NIPBL: variants seen among roughly 807,000 people sequenced by gnomAD.
NIPBL encodes the protein NIPBL cohesin loading factor.
In NIPBL, 19 loss-of-function variants were observed where a neutral mutation model predicts 321.8. The observed-to-expected ratio is 0.06, with a 90% CI of 0.04 to 0.09. The LOEUF is 0.09. Ranked by LOEUF, NIPBL falls within the 10% of genes least tolerant of loss-of-function variation. NIPBL has a pLI of 1.00. For missense variants in NIPBL, 2,210 were observed against 3,327.0 expected (o/e 0.66, Z 8.26); for synonymous variants, 1,106 against 1,114.1 (o/e 0.99, Z 0.14).
rs866490064 is a variant in NIPBL, at chr5:37,036,391, G to T, written c.5875G>T (p.Glu1959Ter). Residue 1959 changes from glutamate to a stop codon, truncating the protein, a stop_gained, in exon 33 of 47, where the codon GAA becomes TAA. Coordinates refer to ENST00000282516, the MANE Select transcript of NIPBL (RefSeq NM_133433.4). LOFTEE classifies it high-confidence loss of function. Reference sequence around the variant, plus strand: ...TATGTATATATAGTTGTTGAAGTCCGAAGAGGATTCCTCATATAAACCTGT... The same window carrying T: ...TATGTATATATAGTTGTTGAAGTCCTAAGAGGATTCCTCATATAAACCTGT... ...EQLLQNLLKS[E>*]EDSSYKPVKK... 1 of 1,310,590 alleles carries T rather than the reference G, an allele frequency of 7.6e-7. No homozygotes were observed. Among genetic ancestry groups the T allele is most frequent in the East Asian group, 2.9e-5 (1 of 34,004 alleles). The allele number at this position is 1,310,590 out of a possible 1,614,324, so 81.2% of individuals were successfully genotyped here.
chr5:36,920,768 T>C (rs1439731617), intron 1 of NIPBL, among the ~76,000 whole-genome samples: 1 of 152,118 alleles, frequency 6.6e-6, no homozygotes. Flanking sequence ...TTATATACTT[T>C]ATGTGGCATC....
intron 10 of NIPBL, among the ~76,000 whole-genome samples, chr5:36,987,043 A>C (rs775014109): frequency 6.6e-6 from 1 of 152,096 alleles, no homozygotes; most frequent in Non-Finnish European, 1.5e-5. Flanking sequence ...TATTTAAAAT[A>C]ACTTTTTTTA....
At chr5:37,014,913 G>A (rs1748756740) in intron 22 of NIPBL, 148 bp downstream of exon 22, 2 of 632,028 alleles carry the variant, frequency 3.2e-6, no homozygotes, top group Non-Finnish European at 5.6e-6. Flanking sequence ...TTAAAATGAG[G>A]CAATTGGAGT....
intron 33 of NIPBL, among the ~76,000 whole-genome samples, chr5:37,038,182 G>GT (rs1308730156): frequency 2.6e-5 from 4 of 151,920 alleles, no homozygotes; most frequent in African/African-American, 9.7e-5. Context: ...TAGAGATGCA[G>GT]TTTTTGCGTG....
intron 14 of NIPBL, among the ~76,000 whole-genome samples, chr5:37,001,330 G>A (rs987096576): frequency 6.6e-6 from 1 of 152,122 alleles, no homozygotes; most frequent in Non-Finnish European, 1.5e-5. Flanking sequence ...GGATACAGAG[G>A]CATACTCTGT....
At chr5:36,951,746 A>G (rs1740316719) in intron 1 of NIPBL, among the ~76,000 whole-genome samples, 1 of 152,160 alleles carries the variant, frequency 6.6e-6, no homozygotes, top group African/African-American at 2.4e-5. Context: ...AATAGCTAGT[A>G]GTGATTATAG....
chr5:37,062,609 A>G (rs1489088760), intron 45 of NIPBL, among the ~76,000 whole-genome samples: 1 of 152,104 alleles, frequency 6.6e-6, no homozygotes, highest in Non-Finnish European at 1.5e-5. Flanking sequence ...ATGCCAATGA[A>G]TTATACATTT....
intron 33 of NIPBL, among the ~76,000 whole-genome samples, chr5:37,038,249 CA>C (rs1484827558): frequency 6.6e-6 from 1 of 152,126 alleles, no homozygotes; most frequent in Non-Finnish European, 1.5e-5. Context: ...GATGGCCTCC[CA>C]AAGTGCTGGG....
At chr5:36,885,937 C>A in intron 1 of NIPBL, 1 of 736,294 alleles carries the variant, frequency 1.4e-6, no homozygotes, top group Non-Finnish European at 2.5e-6. Flanking sequence ...CTCAGGACCT[C>A]GCCAAGATCA....
At chr5:36,919,918 T>C (rs1044133937) in intron 1 of NIPBL, among the ~76,000 whole-genome samples, 1 of 152,160 alleles carries the variant, frequency 6.6e-6, no homozygotes, top group African/African-American at 2.4e-5. Context: ...TTAAAATATC[T>C]TTTAAACTTG....
At chr5:37,052,630 T>C in intron 42 of NIPBL, 64 bp downstream of exon 42, 1 of 1,265,588 alleles carries the variant, frequency 7.9e-7, no homozygotes, top group South Asian at 1.2e-5. Flanking sequence ...GATAAAGTAG[T>C]CATTTTTTAA....
intron 1 of NIPBL, among the ~76,000 whole-genome samples, chr5:36,922,550 C>T (rs1358543733): frequency 6.6e-6 from 1 of 152,052 alleles, no homozygotes; most frequent in African/African-American, 2.4e-5. Flanking sequence ...GTCCAGCATA[C>T]TGGATACTTA....
intron 8 of NIPBL, among the ~76,000 whole-genome samples, chr5:36,973,778 G>T (rs1743151795): frequency 6.6e-6 from 1 of 152,018 alleles, no homozygotes. Flanking sequence ...TTGTCGTCTA[G>T]GTTTTAAGCC....
intron 33 of NIPBL, among the ~76,000 whole-genome samples, chr5:37,038,075 G>C (rs215008): frequency 6.9e-6 from 1 of 144,412 alleles, no homozygotes; most frequent in Admixed American, 7.2e-5. Flanking sequence ...ATGCAGCCTA[G>C]AACTCCTGGG....
chr5:37,015,985 A>G, intron 22 of NIPBL, 53 bp from the exon 23 acceptor site: 1 of 1,587,804 alleles, frequency 6.3e-7, no homozygotes. Flanking sequence ...TAGACAGATG[A>G]CTGACATGTG....
chr5:37,016,769 A>C (rs1013155731), intron 23 of NIPBL, among the ~76,000 whole-genome samples: 1 of 152,148 alleles, frequency 6.6e-6, no homozygotes, highest in African/African-American at 2.4e-5. Context: ...CAAATAATAC[A>C]GTTGAGCCTG....
chr5:36,967,320 C>A (rs292186), intron 6 of NIPBL, among the ~76,000 whole-genome samples: 1 of 151,792 alleles, frequency 6.6e-6, no homozygotes, highest in African/African-American at 2.4e-5. Context: ...TTTAGAGAAC[C>A]GTGTGTTTGA....
chr5:37,019,174 GT>G, intron 24 of NIPBL, 136 bp from the exon 25 acceptor site: 5 of 671,306 alleles, frequency 7.4e-6, no homozygotes, highest in Non-Finnish European at 1.1e-5. Context: ...ATATTTTTCT[GT>G]TTTTTCCTTT....
chr5:36,893,244 G>T (rs888855732), intron 1 of NIPBL, among the ~76,000 whole-genome samples: 17 of 152,072 alleles, frequency 1.1e-4, no homozygotes, highest in African/African-American at 4.1e-4. Flanking sequence ...TTCATGAAGG[G>T]ATTATCTTTA....
Sources: allele counts gnomAD v4.1 joint callset (sites outside exome capture counted in the v4.1 genomes callset), GRCh38; gene constraint gnomAD v4.1.1; transcripts MANE v1.5; gene names NCBI Gene and HGNC (gene_info 2026-07-23, HGNC 2026-07-21).